The following MDGA2 variants were observed in gnomAD, a reference collection of about 807,000 sequenced individuals.
MDGA2 encodes the protein MAM domain containing glycosylphosphatidylinositol anchor 2, also known as MAM domain-containing glycosylphosphatidylinositol anchor protein 2.
Under a neutral mutation model 117.8 loss-of-function variants are expected in MDGA2, and 40 were observed. That is an observed-to-expected ratio of 0.34 (90% CI 0.26 to 0.44). The LOEUF (loss-of-function observed/expected upper bound fraction) is 0.44. Among genes scored for constraint, MDGA2 ranks in the 20% least tolerant of loss-of-function variants. The pLI, the probability that MDGA2 is intolerant of heterozygous loss-of-function variation, is 1.00. For missense variants in MDGA2, 1,123 were observed against 1,250.6 expected (o/e 0.90, Z 1.54); for synonymous variants, 452 against 439.0 (o/e 1.03, Z -0.37).
intron 10 of MDGA2, among the ~76,000 whole-genome samples, chr14:46,902,612 A>G (rs561750179): frequency 6.6e-6 from 1 of 152,332 alleles, no homozygotes; most frequent in South Asian, 2.1e-4. Flanking sequence ...AGGTAAGCAT[A>G]GCATTGTATT....
In MDGA2 at chr14:47,144,182, C is replaced by T. The variant is rs1413577554; in HGVS notation, c.688G>A (p.Ala230Thr). Reference sequence around the variant, plus strand: ...TACCGAACAGGAGGATTGGAATTGGCAACACACCGGAGGAACACTGTTCTC... The same window carrying T: ...TACCGAACAGGAGGATTGGAATTGGTAACACACCGGAGGAACACTGTTCTC... ...YERTVFLRCV[A>T]NSNPPVRYSW... The change falls in exon 4 of 17, where the codon GCC (alanine) becomes ACC (threonine). Residue 230 changes from alanine to threonine, a missense_variant. Ala to Thr is a moderately conservative substitution (Grantham distance 58). Around this residue, in one of 2 missense-constraint regions of MDGA2, gnomAD observed 890 missense variants for 1,050.3 expected, o/e 0.85. Coordinates refer to ENST00000399232, the MANE Select transcript of MDGA2 (RefSeq NM_001113498.3). 1.7e-5 allele frequency: 27 copies of T among 1,551,232 alleles called. No individual in the cohort carries two copies. Among genetic ancestry groups the T allele is most frequent in the Non-Finnish European group, 2.4e-5 (27 of 1,146,782 alleles).
intron 1 of MDGA2, among the ~76,000 whole-genome samples, chr14:47,352,508 T>C (rs1890906196): frequency 6.6e-6 from 1 of 152,196 alleles, no homozygotes; most frequent in South Asian, 2.1e-4. Flanking sequence ...TTAAAAAGCT[T>C]TATTGCTCAC....
chr14:47,557,487 A>T (rs1266203576), intron 1 of MDGA2, among the ~76,000 whole-genome samples: 1 of 152,158 alleles, frequency 6.6e-6, no homozygotes, highest in African/African-American at 2.4e-5. Context: ...CAATTGTGAG[A>T]AAAGACCCTT....
intron 15 of MDGA2, among the ~76,000 whole-genome samples, chr14:46,854,153 A>AT (rs1881171410): frequency 6.6e-6 from 1 of 151,612 alleles, no homozygotes; most frequent in Admixed American, 6.6e-5. Flanking sequence ...AACTGGCACG[A>AT]TTTTCTATAC....
chr14:47,018,106 T>C (rs183278742), intron 8 of MDGA2, among the ~76,000 whole-genome samples: 124 of 152,006 alleles, frequency 8.2e-4, no homozygotes, highest in African/African-American at 2.7e-3. Flanking sequence ...TGACCCTATG[T>C]TGTGGAAATA....
chr14:47,048,996 C>T (rs866138522), intron 7 of MDGA2, among the ~76,000 whole-genome samples: 3 of 151,978 alleles, frequency 2.0e-5, no homozygotes, highest in African/African-American at 7.2e-5. Context: ...TGGACTAATA[C>T]GTGTGAAGAG....
At chr14:47,559,761 C>T (rs971594470) in intron 1 of MDGA2, among the ~76,000 whole-genome samples, 31 of 151,624 alleles carry the variant, frequency 2.0e-4, no homozygotes, top group African/African-American at 6.1e-4. Context: ...TTAGCAGAGA[C>T]GAAGTTTCAC....
chr14:47,603,422 C>T (rs531135812), intron 1 of MDGA2, among the ~76,000 whole-genome samples: 82 of 152,272 alleles, frequency 5.4e-4, no homozygotes, highest in African/African-American at 1.9e-3. Flanking sequence ...TCATCACTGT[C>T]GAAAGACTAG....
chr14:47,183,837 C>T (rs1350696805), intron 3 of MDGA2, among the ~76,000 whole-genome samples: 1 of 151,896 alleles, frequency 6.6e-6, no homozygotes, highest in African/African-American at 2.4e-5. Context: ...ATGAAAATCC[C>T]CTGGGCTCTC....
At chr14:47,612,101 A>C (rs1208518906) in intron 1 of MDGA2, among the ~76,000 whole-genome samples, 6 of 152,274 alleles carry the variant, frequency 3.9e-5, no homozygotes, top group South Asian at 2.1e-4. Context: ...CAAGTTTCCA[A>C]ATGAATGCTG....
chr14:47,674,626 ACG>A lies in MDGA2; in HGVS notation c.169_170del (p.Arg57TyrfsTer51). ...CATGAACATATCCAGCCCAGGGGGT[ACG>A]CAACGGGACCTTCAGGAGGCCGGCG... The part of the protein sequence containing the change: ...LAAGLLKVPL[R>X]TPWAGYVHVH... On this transcript the variant is annotated frameshift_variant, in exon 1 of 17. Coordinates refer to ENST00000399232, the MANE Select transcript of MDGA2 (RefSeq NM_001113498.3). LOFTEE classifies it high-confidence loss of function. The A allele has an allele frequency of 6.5e-7, 1 of 1,534,442 alleles. No homozygotes were observed. The highest frequency in any genetic ancestry group is 8.8e-7 in the Non-Finnish European group (1 of 1,132,036).
chr14:47,112,317 G>T (rs1386793428), intron 5 of MDGA2, among the ~76,000 whole-genome samples: 2 of 152,120 alleles, frequency 1.3e-5, no homozygotes, highest in Non-Finnish European at 2.9e-5. Flanking sequence ...CGTGTGCCAT[G>T]GTGGTTTTCT....
At chr14:47,350,841 A>G (rs924277792) in intron 1 of MDGA2, among the ~76,000 whole-genome samples, 3 of 152,234 alleles carry the variant, frequency 2.0e-5, no homozygotes, top group African/African-American at 7.2e-5. Context: ...TTCTGAGTGC[A>G]GTGGGAAAAG....
At chr14:47,202,180 T>A (rs1056355501) in intron 3 of MDGA2, among the ~76,000 whole-genome samples, 6 of 152,168 alleles carry the variant, frequency 3.9e-5, no homozygotes, top group Admixed American at 2.6e-4. Flanking sequence ...ATCCTTATAA[T>A]GGGCTTAACA....
intron 1 of MDGA2, among the ~76,000 whole-genome samples, chr14:47,488,257 C>G (rs1427274765): frequency 6.6e-6 from 1 of 152,018 alleles, no homozygotes; most frequent in African/African-American, 2.4e-5. Flanking sequence ...CATAAATATC[C>G]AAACTATAGT....
chr14:47,497,736 T>C (rs960189154), intron 1 of MDGA2, among the ~76,000 whole-genome samples: 5 of 152,288 alleles, frequency 3.3e-5, no homozygotes, highest in African/African-American at 4.8e-5. Flanking sequence ...AACATAATAA[T>C]AAAATTTAAA....
At chr14:47,114,814 A>G (rs1881232688) in intron 5 of MDGA2, among the ~76,000 whole-genome samples, 1 of 152,252 alleles carries the variant, frequency 6.6e-6, no homozygotes, top group African/African-American at 2.4e-5. Flanking sequence ...AAACTATAAA[A>G]ACCCTAGAAG....
rs1055068133 is a variant in MDGA2 at position 47,348,249 on chromosome 14, C to G, written c.281-46699G>C. The stretch of plus-strand genomic sequence containing the variant: ...TTTTTTTTTTTAAGATACAGTCTCA[C>G]TCTGGAGCCCAGGCTGGAGTGCACT... On this transcript the variant is annotated intron_variant, in intron 1 of 16. Transcript: ENST00000399232. Among the ~76,000 whole-genome samples the G allele has an allele frequency of 2.7e-5, 4 of 149,494 alleles. 1 individual carries two copies. Among genetic ancestry groups the G allele is most frequent in the African/African-American group, 9.9e-5 (4 of 40,546 alleles).
chr14:47,301,635 AT>A, intron 1 of MDGA2, 85 bp from the exon 2 acceptor site: 1 of 1,407,906 alleles, frequency 7.1e-7, no homozygotes, highest in South Asian at 1.3e-5. Flanking sequence ...TATAAAAGCA[AT>A]TCTTATTAGA....
Sources: gnomAD v4.1 joint callset for allele counts (sites outside exome capture counted in the v4.1 genomes callset) on GRCh38, gnomAD v4.1.1 for gene constraint, gnomAD v4.1.1 regional missense constraint, MANE v1.5 for transcripts, NCBI Gene and HGNC (gene_info 2026-07-23, HGNC 2026-07-21) for gene names.